Variants in EYS observed in about 807,000 individuals in gnomAD.
The protein encoded by EYS is protein eyes shut homolog.
Under a neutral mutation model 282.1 loss-of-function variants are expected in EYS, and 250 were observed. The ratio of observed to expected loss-of-function variants is 0.89; its 90% confidence interval spans 0.80 to 0.98. The LOEUF is 0.98. Ranked by LOEUF, EYS falls within the 50% of genes least tolerant of loss-of-function variation. The probability of loss-of-function intolerance (pLI) is 0.00; values close to 1 mark genes in which losing one functional copy is unlikely to be tolerated. For synonymous variants in EYS, 1,355 were observed against 1,282.9 expected, an observed-to-expected ratio of 1.06 and a Z score of -1.20; for missense variants, 4,016 against 3,709.0, an observed-to-expected ratio of 1.08 and a Z score of -2.15.
intron 35 of EYS, among the ~76,000 whole-genome samples, chr6:63,956,753 A>G (rs1368627466): frequency 1.3e-5 from 2 of 152,212 alleles, no homozygotes; most frequent in Non-Finnish European, 2.9e-5. Context: ...TGCAAGTTTA[A>G]CACGTATTTC....
chr6:64,886,563 G>T, intron 19 of EYS, 134 bp downstream of exon 19: 1 of 545,648 alleles, frequency 1.8e-6, no homozygotes, highest in South Asian at 5.2e-5. Context: ...TTTTATAAGA[G>T]ACAAATTATC....
intron 22 of EYS, among the ~76,000 whole-genome samples, chr6:64,708,994 T>C (rs1771119886): frequency 7.2e-6 from 1 of 139,156 alleles, no homozygotes; most frequent in South Asian, 2.5e-4. Context: ...AGGGCAAAGA[T>C]GATTGCCTGG....
chr6:64,853,641 G>T (rs188284795), intron 19 of EYS, among the ~76,000 whole-genome samples: 1 of 152,054 alleles, frequency 6.6e-6, no homozygotes, highest in Non-Finnish European at 1.5e-5. Context: ...TGGTAACGCC[G>T]TTGTTAATAT....
chr6:64,230,443 C>T (rs895194420), intron 31 of EYS, 149 bp downstream of exon 31: 58 of 473,914 alleles, frequency 1.2e-4, no homozygotes, highest in African/African-American at 2.7e-4. Flanking sequence ...TGAAAGTATT[C>T]GATCAGAATT....
intron 30 of EYS, among the ~76,000 whole-genome samples, chr6:64,247,800 CACTT>C (rs1454395898): frequency 6.6e-6 from 1 of 151,808 alleles, no homozygotes; most frequent in Non-Finnish European, 1.5e-5. Flanking sequence ...AAACAGAAAA[CACTT>C]AATAAACAGA....
In EYS at chr6:64,048,252, C is replaced by G. The variant is rs116660735; in HGVS notation, c.6725+18086G>C. Among the ~76,000 whole-genome samples, 706 of 152,238 alleles carry G rather than the reference C, an allele frequency of 4.6e-3. 4 individuals carry two copies. The highest frequency in any genetic ancestry group is 0.016 in the African/African-American group (675 of 41,538). ...TGATGACAACTGTTGGAATGTATCT[C>G]TCTAGAGAATGATCTGGATCTCAGG... is the stretch of plus-strand genomic sequence containing the variant. On this transcript the variant is annotated intron_variant, in intron 33 of 42. Coordinates refer to ENST00000503581, the MANE Select transcript of EYS (RefSeq NM_001142800.2).
At chr6:65,142,937 A>G (rs1289698952) in intron 12 of EYS, among the ~76,000 whole-genome samples, 1 of 152,104 alleles carries the variant, frequency 6.6e-6, no homozygotes, top group Non-Finnish European at 1.5e-5. Context: ...TTCAGATAAA[A>G]GAAACTAGCA....
chr6:63,808,222 A>G (rs938681957), intron 36 of EYS, among the ~76,000 whole-genome samples: 1 of 152,204 alleles, frequency 6.6e-6, no homozygotes. Context: ...TTTCAGGCAG[A>G]AGAAACAGCA....
intron 2 of EYS, among the ~76,000 whole-genome samples, chr6:65,582,307 G>T (rs971920329): frequency 1.3e-5 from 2 of 151,784 alleles, no homozygotes; most frequent in African/African-American, 4.8e-5. Flanking sequence ...TCATTTATAG[G>T]GAATACTTTA....
intron 31 of EYS, among the ~76,000 whole-genome samples, chr6:64,118,722 G>A (rs2150272006): frequency 6.6e-6 from 1 of 152,060 alleles, no homozygotes; most frequent in African/African-American, 2.4e-5. Context: ...GTGTGACAAA[G>A]GAAAAATCAA....
At chr6:65,691,418 T>C (rs1162205061) in intron 1 of EYS, among the ~76,000 whole-genome samples, 1 of 150,466 alleles carries the variant, frequency 6.6e-6, no homozygotes, top group Admixed American at 6.7e-5. Context: ...TGCCTACTTT[T>C]TGATAGGGTT....
At chr6:65,666,385 T>C (rs905841163) in intron 1 of EYS, among the ~76,000 whole-genome samples, 2 of 151,886 alleles carry the variant, frequency 1.3e-5, no homozygotes, top group African/African-American at 4.8e-5. Context: ...CCATTTCTTA[T>C]TTGCTTTGTT....
chr6:64,922,891 A>G (rs1332034370), intron 15 of EYS, among the ~76,000 whole-genome samples: 1 of 152,156 alleles, frequency 6.6e-6, no homozygotes, highest in East Asian at 1.9e-4. Flanking sequence ...AGGTGGAGTA[A>G]GAGACCTACT....
chr6:63,741,047 A>G (rs1031952379), intron 41 of EYS, among the ~76,000 whole-genome samples: 12 of 152,214 alleles, frequency 7.9e-5, no homozygotes, highest in African/African-American at 2.7e-4. Context: ...ATAAAACGCC[A>G]CAACTGCTCT....
intron 2 of EYS, among the ~76,000 whole-genome samples, chr6:65,549,694 T>G (rs1768528325): frequency 6.6e-6 from 1 of 152,276 alleles, no homozygotes; most frequent in Non-Finnish European, 1.5e-5. Flanking sequence ...TTATAAAGTC[T>G]GCTGGGATAA....
intron 29 of EYS, among the ~76,000 whole-genome samples, chr6:64,388,034 AG>A (rs1227751653): frequency 2.0e-5 from 3 of 152,138 alleles, no homozygotes; most frequent in Non-Finnish European, 4.4e-5. Context: ...AAATATAATA[AG>A]GGAAAAGATT....
chr6:64,919,167 T>G (rs1380269188), intron 15 of EYS, among the ~76,000 whole-genome samples: 1 of 152,052 alleles, frequency 6.6e-6, no homozygotes, highest in East Asian at 1.9e-4. Flanking sequence ...CCTTTCTTTC[T>G]TTAATTTTTA....
intron 19 of EYS, among the ~76,000 whole-genome samples, chr6:64,836,952 A>T (rs1195480245): frequency 6.6e-6 from 1 of 151,644 alleles, no homozygotes; most frequent in Non-Finnish European, 1.5e-5. Context: ...TAGCCTCATG[A>T]TGAAAAGTTT....
At chr6:64,371,293 GTTGT>G (rs1229393068) in intron 29 of EYS, among the ~76,000 whole-genome samples, 1 of 143,566 alleles carries the variant, frequency 7.0e-6, no homozygotes, top group Non-Finnish European at 1.5e-5. Context: ...TCAGGAGCAG[GTTGT>G]TTGATTTCTA....
Sources: allele counts gnomAD v4.1 joint callset (sites outside exome capture counted in the v4.1 genomes callset), GRCh38; gene constraint gnomAD v4.1.1; transcripts MANE v1.5; gene names NCBI Gene and HGNC (gene_info 2026-07-23, HGNC 2026-07-21).